NET1: variants seen among roughly 807,000 people sequenced by gnomAD.
NET1 encodes neuroepithelial cell-transforming gene 1 protein.
Under a neutral mutation model 61.1 loss-of-function variants are expected in NET1, and 42 were observed. That is an observed-to-expected ratio of 0.69 (90% CI 0.54 to 0.89). The LOEUF is 0.89. Ranked by LOEUF, NET1 falls within the 40% of genes least tolerant of loss-of-function variation. NET1 has a pLI of 0.00. For missense variants in NET1, 654 were observed against 747.3 expected, an observed-to-expected ratio of 0.88 and a Z score of 1.46; for synonymous variants, 254 against 281.8, an observed-to-expected ratio of 0.90 and a Z score of 0.99.
At position 5,427,014 on chromosome 10, in the gene NET1, G is replaced by A. The variant is rs1037071415; in HGVS notation, c.195+293G>A. On this transcript the variant is annotated intron_variant, in intron 2 of 11. Coordinates refer to ENST00000355029, the MANE Select transcript of NET1 (RefSeq NM_001047160.3). The surrounding 1 kb of genome is among the most constrained non-coding windows in gnomAD (Gnocchi z 4.1). ...AATGTTAAATCTGATAATATATTAT[G>A]AAACATGAAATTATTTTTATACATC... 1.3e-5 allele frequency among the ~76,000 whole-genome samples: 2 copies of A among 151,860 alleles called. No individual in the cohort carries two copies. Among genetic ancestry groups the A allele is most frequent in the Non-Finnish European group, 1.5e-5 (1 of 67,942 alleles).
rs1179215374 is a variant in NET1, at chr10:5,457,005, G to A, written c.*11G>A. The stretch of plus-strand genomic sequence containing the variant: ...GAGACTTTGGTGTAGAGAAGGCTCT[G>A]TGTGTTAACTGATGGGAGAGACTGT... On this transcript the variant is annotated 3_prime_UTR_variant, in exon 12 of 12. Coordinates refer to ENST00000355029, the MANE Select transcript of NET1 (RefSeq NM_001047160.3). This position sits in a 1 kb window ranked among gnomAD's most constrained non-coding sequence, Gnocchi z 5.4. The A allele has an allele frequency of 6.5e-7, 1 of 1,527,676 alleles. No homozygotes were observed. The highest frequency in any genetic ancestry group is 1.4e-5 in the African/African-American group (1 of 72,102). The allele number at this position is 1,527,676 out of a possible 1,614,324, so 94.6% of individuals were successfully genotyped here. A position where few individuals can be genotyped will look rare whatever the true frequency, so the allele number is the denominator to read the frequency against.
rs924664195 is a variant in NET1, at chr10:5,426,601, T to C, written c.129-54T>C. 22 of 1,358,382 alleles carry C rather than the reference T, an allele frequency of 1.6e-5. No individual in the cohort carries two copies. Among genetic ancestry groups the C allele is most frequent in the Non-Finnish European group, 2.2e-5 (21 of 963,476 alleles). The allele number at this position is 1,358,382 out of a possible 1,614,324, so 84.1% of individuals were successfully genotyped here. On this transcript the variant is annotated intron_variant, in intron 1 of 11. Coordinates refer to ENST00000355029, the MANE Select transcript of NET1 (RefSeq NM_001047160.3). The surrounding 1 kb of genome is among the most constrained non-coding windows in gnomAD (Gnocchi z 4.6). ...GTATAGCTTTTTATCTGTTTGATGC[T>C]CTATTATGCTAAAGTCAATCTCTTT...
Position 5,441,434 on chromosome 10 carries a change from G to A in NET1, c.256-10396G>A, listed in dbSNP as rs191266994. 3.3e-5 allele frequency among the ~76,000 whole-genome samples: 5 copies of A among 152,348 alleles called. No homozygotes were observed. The highest frequency in any genetic ancestry group is 3.3e-4 in the Admixed American group (5 of 15,306). ...AAGACACAATATCCTTTTGTCTTTAGTTTGGGGCCTTAAGCTGAAGTTCAG... is the reference window on the plus strand; with the variant it reads ...AAGACACAATATCCTTTTGTCTTTAATTTGGGGCCTTAAGCTGAAGTTCAG... On this transcript the variant is annotated intron_variant, in intron 3 of 11. Coordinates refer to ENST00000355029, the MANE Select transcript of NET1 (RefSeq NM_001047160.3). The surrounding 1 kb of genome is among the most constrained non-coding windows in gnomAD (Gnocchi z 4.6).
rs768787790 is a variant in NET1 at position 5,456,969 on chromosome 10, G to T, written c.1766G>T (p.Gly589Val). 17 of 1,569,048 alleles carry T rather than the reference G, an allele frequency of 1.1e-5. No individual in the cohort carries two copies. The highest frequency in any genetic ancestry group is 1.7e-4 in the Middle Eastern group (1 of 5,836). Residue 589 changes from glycine to valine, a missense_variant, in exon 12 of 12, where the codon GGC (glycine) becomes GTC (valine). Coordinates refer to ENST00000355029, the MANE Select transcript of NET1 (RefSeq NM_001047160.3). The surrounding 1 kb of genome is among the most constrained non-coding windows in gnomAD (Gnocchi z 7.0). The stretch of plus-strand genomic sequence containing the variant: ...GCGAGGGACAAAGCCCTTTCTGGTG[G>T]CAAACGGAAAGAGACTTTGGTGTAG... ...RRARDKALSGGKRKETLV is the reference protein window; with the variant it reads ...RRARDKALSGVKRKETLV
In NET1 at chr10:5,427,164, TA is replaced by T; in HGVS notation, c.195+444del. 6.6e-6 allele frequency among the ~76,000 whole-genome samples: 1 copy of T among 152,104 alleles called. No homozygotes were observed. The highest frequency in any genetic ancestry group is 1.5e-5 in the Non-Finnish European group (1 of 67,998). The stretch of plus-strand genomic sequence containing the variant: ...TCATCTCAGCATAGAGGGACTCTAT[TA>T]TTTTTATAGCAGGACTTTACAGAGG... On this transcript the variant is annotated intron_variant, in intron 2 of 11. Transcript: ENST00000355029. The surrounding 1 kb of genome is among the most constrained non-coding windows in gnomAD (Gnocchi z 4.1).
intron 2 of NET1, 78 bp from the exon 3 acceptor site, chr10:5,429,092 T>C: frequency 9.7e-7 from 1 of 1,027,840 alleles, no homozygotes; most frequent in Non-Finnish European, 1.5e-6. Context: ...TTGATTTTTC[T>C]AGTTTTATAG....
intron 2 of NET1, among the ~76,000 whole-genome samples, chr10:5,428,961 T>C (rs1433383619): frequency 6.6e-6 from 1 of 151,182 alleles, no homozygotes; most frequent in Non-Finnish European, 1.5e-5. Flanking sequence ...CTCGAACTCC[T>C]GACCTCAGAC....
In NET1 at chr10:5,422,697, G is replaced by T. The variant is rs1832195715; in HGVS notation, c.129-3958G>T. On this transcript the variant is annotated intron_variant, in intron 1 of 11. Transcript: ENST00000355029. The surrounding 1 kb of genome is among the most constrained non-coding windows in gnomAD (Gnocchi z 4.1). ...ATTCCAAGATGTATGTATTAGTTGA[G>T]ACTCTCATGCAGATGAGAAAACCCT... Among the ~76,000 whole-genome samples the T allele has an allele frequency of 1.3e-5, 2 of 152,136 alleles. No homozygotes were observed. The highest frequency in any genetic ancestry group is 4.8e-5 in the African/African-American group (2 of 41,416).
In NET1 at chr10:5,458,438, TA is replaced by T. The variant is rs58712778; in HGVS notation, c.*1457del. The T allele has an allele frequency of 3.0e-3, 429 of 142,028 alleles. No individual in the cohort carries two copies. The highest frequency in any genetic ancestry group is 3.6e-3 in the Middle Eastern group (1 of 278). The allele number at this position is 142,028 out of a possible 1,614,324, so 8.8% of individuals were successfully genotyped here. On this transcript the variant is annotated 3_prime_UTR_variant, in exon 12 of 12. Coordinates refer to ENST00000355029, the MANE Select transcript of NET1 (RefSeq NM_001047160.3). This position sits in a 1 kb window ranked among gnomAD's most constrained non-coding sequence, Gnocchi z 4.5. The stretch of plus-strand genomic sequence containing the variant: ...TCTCTGTACAAATGAATGATACTAT[TA>T]AAAAAAAAAAAAGCACACACATAAT...
chr10:5,439,646 T>G lies in NET1; in HGVS notation c.255+10417T>G, dbSNP rs1832493743. ...ACTCTAACTAGGTCTGCCCCACACC[T>G]GGGGCTGCTTTTCAAACCGGAGTCA... is the stretch of plus-strand genomic sequence containing the variant. On this transcript the variant is annotated intron_variant, in intron 3 of 11. Transcript: ENST00000355029. The surrounding 1 kb of genome is among the most constrained non-coding windows in gnomAD (Gnocchi z 4.8). 6.6e-6 allele frequency among the ~76,000 whole-genome samples: 1 copy of G among 152,210 alleles called. No individual in the cohort carries two copies. Among genetic ancestry groups the G allele is most frequent in the Admixed American group, 6.5e-5 (1 of 15,288 alleles).
rs1756848475 is a variant in NET1, at chr10:5,443,686, G to A, written c.256-8144G>A. On this transcript the variant is annotated intron_variant, in intron 3 of 11. Coordinates refer to ENST00000355029, the MANE Select transcript of NET1 (RefSeq NM_001047160.3). The surrounding 1 kb of genome is among the most constrained non-coding windows in gnomAD (Gnocchi z 4.8). ...CTAAGATTTTAGTGTTGGTGAGCTG[G>A]GGCTTTTGTGAACATGGCTGTCATC... Among the ~76,000 whole-genome samples, 1 of 152,088 alleles carries A rather than the reference G, an allele frequency of 6.6e-6. No homozygotes were observed. The highest frequency in any genetic ancestry group is 1.5e-5 in the Non-Finnish European group (1 of 68,028).
chr10:5,415,532 C>T lies in NET1; in HGVS notation c.128+2712C>T, dbSNP rs79816009. On this transcript the variant is annotated intron_variant, in intron 1 of 11. Transcript: ENST00000355029. The surrounding 1 kb of genome is among the most constrained non-coding windows in gnomAD (Gnocchi z 4.7). ...TCGGCTCACTGCAACCTCCGCCTCC[C>T]GGGTTCAAGTGATTCTCCTGCCTCA... is the stretch of plus-strand genomic sequence containing the variant. Among the ~76,000 whole-genome samples, 12 of 151,714 alleles carry T rather than the reference C, an allele frequency of 7.9e-5. No individual in the cohort carries two copies. The East Asian group carries it at 9.7e-4, about 12-fold the overall frequency.
rs552519979 is a variant in NET1 at position 5,453,409 on chromosome 10, T to C, written c.691+63T>C. ...GCAGCGGTGCATGTAATTTTCAGTC[T>C]AAACTTCTAATGTAGTGCTGACCTA... On this transcript the variant is annotated intron_variant, in intron 7 of 11. Transcript: ENST00000355029. The surrounding 1 kb of genome is among the most constrained non-coding windows in gnomAD (Gnocchi z 4.9). 1.9e-5 allele frequency: 30 copies of C among 1,581,576 alleles called. No homozygotes were observed. Among genetic ancestry groups the C allele is most frequent in the Non-Finnish European group, 3.5e-6 (4 of 1,150,308 alleles).
At chr10:5,434,793 A>T (rs1224695937) in intron 3 of NET1, among the ~76,000 whole-genome samples, 1 of 151,202 alleles carries the variant, frequency 6.6e-6, no homozygotes, top group Admixed American at 6.6e-5. Context: ...GTTAACCAAC[A>T]TTATAGAAAA....
chr10:5,436,248 ATTT>A (rs1190534260), intron 3 of NET1, among the ~76,000 whole-genome samples: 65 of 18,392 alleles, frequency 3.5e-3, no homozygotes, highest in African/African-American at 6.1e-3. Context: ...ATATATATAT[ATTT>A]TTTTTTTTTT....
Position 5,423,262 on chromosome 10 carries a change from A to G in NET1, c.129-3393A>G, listed in dbSNP as rs1021004971. Among the ~76,000 whole-genome samples the G allele has an allele frequency of 1.3e-5, 2 of 152,232 alleles. No individual in the cohort carries two copies. The highest frequency in any genetic ancestry group is 2.9e-5 in the Non-Finnish European group (2 of 67,990). ...AATTTTCAATACGTTTTTTGAAAAT[A>G]TTTATAATTTCAGGTCAGGTCTTAT... On this transcript the variant is annotated intron_variant, in intron 1 of 11. Transcript: ENST00000355029. The surrounding 1 kb of genome is among the most constrained non-coding windows in gnomAD (Gnocchi z 4.4).
rs1295181944 is a variant in NET1, at chr10:5,421,420, C to G, written c.129-5235C>G. Among the ~76,000 whole-genome samples, 2 of 152,158 alleles carry G rather than the reference C, an allele frequency of 1.3e-5. No homozygotes were observed. The highest frequency in any genetic ancestry group is 2.9e-5 in the Non-Finnish European group (2 of 68,034). On this transcript the variant is annotated intron_variant, in intron 1 of 11. Transcript: ENST00000355029. The surrounding 1 kb of genome is among the most constrained non-coding windows in gnomAD (Gnocchi z 4.2). The stretch of plus-strand genomic sequence containing the variant: ...GAAAAATAATAGTATGACCTATGAT[C>G]TACCAACAGTGATAAGGCTTACTCT...
At chr10:5,436,867 T>C (rs1185630780) in intron 3 of NET1, among the ~76,000 whole-genome samples, 1 of 152,206 alleles carries the variant, frequency 6.6e-6, no homozygotes. Context: ...TGATTTCTAC[T>C]GGTTGCCTTA....
In NET1 at chr10:5,452,157, G is replaced by A. The variant is rs1174610567; in HGVS notation, c.364-201G>A. 6.6e-6 allele frequency among the ~76,000 whole-genome samples: 1 copy of A among 151,830 alleles called. No homozygotes were observed. The highest frequency in any genetic ancestry group is 1.5e-5 in the Non-Finnish European group (1 of 67,976). ...TTTGCATCTTATAATGCATAGTCTT[G>A]GCTAGTTTTTATTCCCAAAAATGTA... On this transcript the variant is annotated intron_variant, in intron 4 of 11. Coordinates refer to ENST00000355029, the MANE Select transcript of NET1 (RefSeq NM_001047160.3). The surrounding 1 kb of genome is among the most constrained non-coding windows in gnomAD (Gnocchi z 4.0).
Sources: gnomAD v4.1 joint callset for allele counts (sites outside exome capture counted in the v4.1 genomes callset) on GRCh38, gnomAD v4.1.1 for gene constraint, Gnocchi (gnomAD v3.1) non-coding constraint, MANE v1.5 for transcripts, NCBI Gene and HGNC (gene_info 2026-07-23, HGNC 2026-07-21) for gene names.